Variants in SLC25A13 observed in about 807,000 individuals in gnomAD.
The protein encoded by SLC25A13 is solute carrier family 25 member 13.
Under a neutral mutation model 85.5 loss-of-function variants are expected in SLC25A13, and 70 were observed. The observed-to-expected ratio is 0.82, with a 90% confidence interval of 0.68 to 1.00. The LOEUF (loss-of-function observed/expected upper bound fraction) is 1.00, where lower values mean the gene tolerates loss of function less well. Among genes scored for constraint, SLC25A13 ranks in the 50% least tolerant of loss-of-function variants. The pLI is 0.00. For missense variants in SLC25A13, 765 were observed against 819.8 expected, an observed-to-expected ratio of 0.93 and a Z score of 0.82; for synonymous variants, 259 against 288.7, an observed-to-expected ratio of 0.90 and a Z score of 1.04.
chr7:96,314,180 C>A (rs1276976757), intron 1 of SLC25A13, among the ~76,000 whole-genome samples: 1 of 151,742 alleles, frequency 6.6e-6, no homozygotes, highest in East Asian at 1.9e-4. Flanking sequence ...GAAGAAGAAG[C>A]CTGCAAAGGA....
At chr7:96,303,384 GAC>G (rs1799625102) in intron 1 of SLC25A13, among the ~76,000 whole-genome samples, 1 of 152,086 alleles carries the variant, frequency 6.6e-6, no homozygotes, top group Non-Finnish European at 1.5e-5. Flanking sequence ...AGCATGCAGT[GAC>G]AAGCAGGAAA....
At chr7:96,202,736 T>G (rs1335822087) in intron 5 of SLC25A13, among the ~76,000 whole-genome samples, 4 of 152,130 alleles carry the variant, frequency 2.6e-5, no homozygotes, top group African/African-American at 9.7e-5. Context: ...GCAGAGCCAA[T>G]ACACCAACAC....
At chr7:96,243,607 G>A (rs1348210518) in intron 3 of SLC25A13, among the ~76,000 whole-genome samples, 1 of 152,102 alleles carries the variant, frequency 6.6e-6, no homozygotes, top group Non-Finnish European at 1.5e-5. Flanking sequence ...TCAACTTCAG[G>A]AGAGTAATGG....
intron 11 of SLC25A13, among the ~76,000 whole-genome samples, chr7:96,183,422 T>A (rs1444749053): frequency 6.6e-6 from 1 of 152,206 alleles, no homozygotes; most frequent in East Asian, 1.9e-4. Context: ...AATACTGTTT[T>A]CTTCATCTAG....
chr7:96,151,502 C>G (rs1793042930), intron 13 of SLC25A13, among the ~76,000 whole-genome samples: 1 of 151,852 alleles, frequency 6.6e-6, no homozygotes, highest in South Asian at 2.1e-4. Context: ...GAGGCTGAGG[C>G]AGAAGAATCA....
At chr7:96,160,671 C>T (rs1793473749) in intron 13 of SLC25A13, among the ~76,000 whole-genome samples, 1 of 152,150 alleles carries the variant, frequency 6.6e-6, no homozygotes, top group Admixed American at 6.5e-5. Context: ...CCCAAAGGTC[C>T]CACTCTTCTA....
chr7:96,134,813 A>ATATATATATAT (rs1554337551), intron 14 of SLC25A13, among the ~76,000 whole-genome samples: 13 of 142,964 alleles, frequency 9.1e-5, no homozygotes, highest in East Asian at 2.2e-4. Context: ...ATATATATAT[A>ATATATATATAT]ACCCTGAGGA....
intron 14 of SLC25A13, among the ~76,000 whole-genome samples, chr7:96,141,716 G>A (rs999072326): frequency 3.9e-5 from 6 of 152,098 alleles, no homozygotes; most frequent in South Asian, 4.1e-4. Context: ...CTTCAGGTCC[G>A]GCTGTGAGCA....
chr7:96,219,763 C>T (rs1209304331), intron 4 of SLC25A13: 1 of 534,058 alleles, frequency 1.9e-6, no homozygotes, highest in Non-Finnish European at 3.8e-6. Context: ...AAGACTCCCT[C>T]CTCCTCTATA....
At chr7:96,312,109 G>A (rs1799972142) in intron 1 of SLC25A13, among the ~76,000 whole-genome samples, 1 of 152,236 alleles carries the variant, frequency 6.6e-6, no homozygotes, top group African/African-American at 2.4e-5. Flanking sequence ...TGCATAGCAA[G>A]ATAAATTAAA....
chr7:96,218,129 A>T (rs1045707527), intron 4 of SLC25A13, among the ~76,000 whole-genome samples: 1 of 152,174 alleles, frequency 6.6e-6, no homozygotes, highest in African/African-American at 2.4e-5. Flanking sequence ...TTATAATGAA[A>T]ATTATTATCT....
chr7:96,319,032 A>G (rs1377835991), intron 1 of SLC25A13, among the ~76,000 whole-genome samples: 1 of 152,232 alleles, frequency 6.6e-6, no homozygotes, highest in Non-Finnish European at 1.5e-5. Flanking sequence ...CAGGCTGCCA[A>G]CAGAATCAAC....
chr7:96,253,961 T>G lies in SLC25A13; in HGVS notation c.213-19044A>C, dbSNP rs146475266. Among the ~76,000 whole-genome samples, 5 of 152,326 alleles carry G rather than the reference T, an allele frequency of 3.3e-5. No homozygotes were observed. The East Asian group carries it at 9.6e-4, about 29-fold the overall frequency. On this transcript the variant is annotated intron_variant, in intron 3 of 17. Coordinates refer to ENST00000265631, the MANE Select transcript of SLC25A13 (RefSeq NM_014251.3). ...TGAGGAAGATTTCTTTACATATTTA[T>G]AGAATTATCTTCAAAACACACGACT...
intron 11 of SLC25A13, among the ~76,000 whole-genome samples, chr7:96,182,773 A>C (rs1794469862): frequency 6.6e-6 from 1 of 152,190 alleles, no homozygotes; most frequent in African/African-American, 2.4e-5. Context: ...AAATCAACTT[A>C]AGCAAATTAA....
At position 96,254,863 on chromosome 7, in the gene SLC25A13, A is replaced by C. The variant is rs569637464; in HGVS notation, c.213-19946T>G. The stretch of plus-strand genomic sequence containing the variant: ...AAAAAGGAAGGAAGAGTCAGGGTGA[A>C]AAGGACGGGCATGTTAAGACAGACT... On this transcript the variant is annotated intron_variant, in intron 3 of 17. Transcript: ENST00000265631. Among the ~76,000 whole-genome samples the C allele has an allele frequency of 3.9e-5, 6 of 152,316 alleles. No homozygotes were observed. The South Asian group carries it at 1.2e-3, about 32-fold the overall frequency.
chr7:96,272,989 A>G (rs1798304431), intron 3 of SLC25A13, among the ~76,000 whole-genome samples: 1 of 152,214 alleles, frequency 6.6e-6, no homozygotes, highest in African/African-American at 2.4e-5. Context: ...ATCTACTCAT[A>G]TAACAACAAA....
intron 4 of SLC25A13, among the ~76,000 whole-genome samples, chr7:96,220,153 T>A (rs1796053882): frequency 6.6e-6 from 1 of 152,226 alleles, no homozygotes; most frequent in Non-Finnish European, 1.5e-5. Flanking sequence ...AACTAATGTT[T>A]TAAAATTCTT....
intron 15 of SLC25A13, among the ~76,000 whole-genome samples, chr7:96,125,753 G>GCTACACTTTACTTTTTAGAGGTTTT: frequency 7.3e-6 from 1 of 136,826 alleles, no homozygotes; most frequent in African/African-American, 2.6e-5. Flanking sequence ...TTCTAGAGGG[G>GCTACACTTTACTTTTTAGAGGTTTT]TTTTTTTTTT....
At chr7:96,314,522 G>A (rs868370474) in intron 1 of SLC25A13, among the ~76,000 whole-genome samples, 19 of 152,216 alleles carry the variant, frequency 1.2e-4, no homozygotes, top group Middle Eastern at 6.8e-3. Flanking sequence ...ATGTCTCAGC[G>A]TCACACATTC....
Sources: allele counts gnomAD v4.1 joint callset (sites outside exome capture counted in the v4.1 genomes callset), GRCh38; gene constraint gnomAD v4.1.1; transcripts MANE v1.5; gene names NCBI Gene and HGNC (gene_info 2026-07-23, HGNC 2026-07-21).